DNAAF4: variants seen among roughly 807,000 people sequenced by gnomAD.
DNAAF4 encodes the protein dynein assembly factor 4, axonemal.
DNAAF4 carries 43 observed loss-of-function variants against 51.8 expected under a neutral mutation model. The ratio of observed to expected loss-of-function variants is 0.83; its 90% CI spans 0.65 to 1.07. The LOEUF (loss-of-function observed/expected upper bound fraction) is 1.07, where lower values mean the gene tolerates loss of function less well. DNAAF4 is among the 50% of genes least tolerant of loss of function. The pLI, the probability that DNAAF4 is intolerant of heterozygous loss-of-function variation, is 0.00. For missense variants in DNAAF4, 581 were observed against 493.0 expected, an observed-to-expected ratio of 1.18 and a Z score of -1.69; for synonymous variants, 194 against 165.6, an observed-to-expected ratio of 1.17 and a Z score of -1.32.
Position 55,498,511 on chromosome 15 carries a change from A to AC in DNAAF4, c.-183dup, listed in dbSNP as rs1595960808. ...CATGCGTGACTATCCAGGCGCCCAGACCAGAGAGTGATGCCGATTCTTGGG... is the reference window on the plus strand; with the variant it reads ...CATGCGTGACTATCCAGGCGCCCAGACCCAGAGAGTGATGCCGATTCTTGGG... On this transcript the variant is annotated 5_prime_UTR_variant, in exon 2 of 10. An upstream open reading frame in the 5' UTR gains an earlier in-frame stop. Transcript: ENST00000321149. 16 of 696,204 alleles carry AC rather than the reference A, an allele frequency of 2.3e-5. No individual in the cohort carries two copies. The highest frequency in any genetic ancestry group is 3.5e-5 in the Non-Finnish European group (16 of 461,048). The allele number at this position is 696,204 out of a possible 1,614,324, so 43.1% of individuals were successfully genotyped here.
At chr15:55,441,774 T>C (rs1428807439) in intron 6 of DNAAF4, among the ~76,000 whole-genome samples, 1 of 152,210 alleles carries the variant, frequency 6.6e-6, no homozygotes, top group African/African-American at 2.4e-5. Flanking sequence ...TAGTATTCCA[T>C]GGTGTCTATG....
intron 8 of DNAAF4, among the ~76,000 whole-genome samples, chr15:55,433,904 T>TATATAATA (rs1567000410): frequency 0.017 from 274 of 16,318 alleles, 9 homozygotes; most frequent in African/African-American, 0.13. Context: ...ATTATATATA[T>TATATAATA]TATATATAAT....
chr15:55,471,163 A>T (rs1318335991), intron 4 of DNAAF4, among the ~76,000 whole-genome samples: 2 of 152,008 alleles, frequency 1.3e-5, no homozygotes, highest in African/African-American at 4.8e-5. Flanking sequence ...ACCCAGCATG[A>T]TTGATTATTA....
chr15:55,427,106 G>A (rs1412290500), downstream of DNAAF4, among the ~76,000 whole-genome samples: 2 of 151,854 alleles, frequency 1.3e-5, no homozygotes, highest in African/African-American at 2.4e-5. Context: ...TCGCTCTGTC[G>A]CCCAGGCTGG....
rs201419966 is a variant in DNAAF4 at position 55,498,275 on chromosome 15, G to C, written c.55C>G (p.Leu19Val). 5 of 1,613,740 alleles carry C rather than the reference G, an allele frequency of 3.1e-6. No homozygotes were observed. Among genetic ancestry groups the C allele is most frequent in the East Asian group, 4.5e-5 (2 of 44,832 alleles). Residue 19 changes from leucine to valine, a missense_variant, in exon 2 of 10, where the codon CTG (leucine) becomes GTG (valine). Coordinates refer to ENST00000321149, the MANE Select transcript of DNAAF4 (RefSeq NM_130810.4). ...CACACGCCTTTGAGGGGCAGAGACA[G>C]AAAGACCGCAGTCTTCGTCTGCTGC... is the stretch of plus-strand genomic sequence containing the variant. ...SWQQTKTAVF[L>V]SLPLKGVCVR...
At chr15:55,492,205 G>C (rs906068656) in intron 3 of DNAAF4, among the ~76,000 whole-genome samples, 1 of 92,958 alleles carries the variant, frequency 1.1e-5, no homozygotes, top group Non-Finnish European at 2.2e-5. Context: ...ACAAACTGAA[G>C]ACTACGATCA....
At chr15:55,442,806 A>G (rs2057735043) in intron 6 of DNAAF4, 7 of 1,612,024 alleles carry the variant, frequency 4.3e-6, no homozygotes, top group African/African-American at 2.7e-5. Context: ...GTCTTTTACA[A>G]CTGATGTTGA....
At chr15:55,479,546 A>G (rs2058380083) in intron 4 of DNAAF4, among the ~76,000 whole-genome samples, 1 of 152,070 alleles carries the variant, frequency 6.6e-6, no homozygotes, top group Middle Eastern at 3.2e-3. Flanking sequence ...AGCAATTTTT[A>G]AGGAACAAGG....
chr15:55,459,150 C>T (rs956807024), intron 5 of DNAAF4, among the ~76,000 whole-genome samples: 1 of 151,494 alleles, frequency 6.6e-6, no homozygotes, highest in East Asian at 1.9e-4. Flanking sequence ...AGATTAACAG[C>T]AGATTTCTTA....
At chr15:55,453,841 C>T (rs552398488) in intron 5 of DNAAF4, among the ~76,000 whole-genome samples, 3 of 151,684 alleles carry the variant, frequency 2.0e-5, no homozygotes, top group East Asian at 1.9e-4. Flanking sequence ...TGAGCCACAG[C>T]GCCTGGCCAA....
intron 5 of DNAAF4, among the ~76,000 whole-genome samples, chr15:55,456,834 A>C (rs969374569): frequency 4.6e-5 from 7 of 152,316 alleles, no homozygotes; most frequent in East Asian, 1.9e-4. Flanking sequence ...AAAGTAGAAG[A>C]AGCAGCAGGA....
intron 1 of DNAAF4, among the ~76,000 whole-genome samples, chr15:55,501,244 A>T (rs903811708): frequency 4.0e-5 from 6 of 150,864 alleles, no homozygotes; most frequent in African/African-American, 1.5e-4. Context: ...TTGTATTTTT[A>T]GTAGGGACGG....
intron 4 of DNAAF4, among the ~76,000 whole-genome samples, chr15:55,483,167 G>A (rs889977267): frequency 3.3e-5 from 5 of 152,006 alleles, no homozygotes; most frequent in African/African-American, 1.2e-4. Context: ...CTCAATCTCG[G>A]CTCAATGCAA....
intron 5 of DNAAF4, among the ~76,000 whole-genome samples, chr15:55,458,210 A>G (rs1313077135): frequency 2.6e-5 from 4 of 152,228 alleles, no homozygotes; most frequent in Non-Finnish European, 1.5e-5. Context: ...TGCCAGATAA[A>G]TAATTCAGAA....
intron 4 of DNAAF4, among the ~76,000 whole-genome samples, chr15:55,475,098 G>C (rs552200213): frequency 1.3e-5 from 2 of 152,318 alleles, no homozygotes; most frequent in South Asian, 4.1e-4. Context: ...TTCCTGGAGG[G>C]AAATCTCAAT....
At chr15:55,459,456 G>A (rs906414019) in intron 5 of DNAAF4, among the ~76,000 whole-genome samples, 4 of 151,832 alleles carry the variant, frequency 2.6e-5, no homozygotes, top group African/African-American at 9.7e-5. Context: ...AAAAAAATAA[G>A]GTACAGCAAC....
chr15:55,492,291 A>G (rs530694813), intron 3 of DNAAF4, among the ~76,000 whole-genome samples: 3 of 149,614 alleles, frequency 2.0e-5, no homozygotes, highest in African/African-American at 5.0e-5. Flanking sequence ...AAAAAAAAAA[A>G]CAGAAGGGGA....
intron 8 of DNAAF4, among the ~76,000 whole-genome samples, chr15:55,433,935 A>ATATATATTAT: frequency 4.5e-4 from 1 of 2,238 alleles, no homozygotes; most frequent in African/African-American, 8.0e-4. Flanking sequence ...ATATTATATA[A>ATATATATTAT]AATATATATA....
chr15:55,460,834 G>A (rs896012245), intron 5 of DNAAF4, among the ~76,000 whole-genome samples: 17 of 150,576 alleles, frequency 1.1e-4, no homozygotes, highest in African/African-American at 2.2e-4. Flanking sequence ...GCGTGATCTC[G>A]ACTCACCGCA....
Sources: allele counts gnomAD v4.1 joint callset (sites outside exome capture counted in the v4.1 genomes callset), GRCh38; gene constraint gnomAD v4.1.1; transcripts MANE v1.5; gene names NCBI Gene and HGNC (gene_info 2026-07-23, HGNC 2026-07-21).